The following FER variants were observed in gnomAD, a reference collection of about 807,000 sequenced individuals.
The protein encoded by FER is FER tyrosine kinase.
Under a neutral mutation model 111.0 loss-of-function variants are expected in FER, and 63 were observed. The observed-to-expected ratio is 0.57, with a 90% CI of 0.46 to 0.70. The LOEUF is 0.70. FER is among the 30% of genes least tolerant of loss of function. The probability of loss-of-function intolerance (pLI) is 0.00; values close to 1 mark genes in which losing one functional copy is unlikely to be tolerated. For synonymous variants in FER, 327 were observed against 313.9 expected, an observed-to-expected ratio of 1.04 and a Z score of -0.44; for missense variants, 914 against 954.0, an observed-to-expected ratio of 0.96 and a Z score of 0.55.
intron 17 of FER, among the ~76,000 whole-genome samples, chr5:109,121,209 A>G (rs1207892728): frequency 5.3e-5 from 8 of 152,142 alleles, no homozygotes; most frequent in Non-Finnish European, 4.4e-5. Context: ...TTCCCCATTC[A>G]GTATTATACT....
chr5:108,912,585 C>T (rs1751708573), intron 10 of FER, among the ~76,000 whole-genome samples: 1 of 152,172 alleles, frequency 6.6e-6, no homozygotes, highest in Non-Finnish European at 1.5e-5. Context: ...TGGTTTCGAA[C>T]TCTGACCTCA....
intron 9 of FER, among the ~76,000 whole-genome samples, chr5:108,893,468 A>C (rs1382166500): frequency 2.0e-5 from 3 of 151,784 alleles, no homozygotes; most frequent in Non-Finnish European, 2.9e-5. Context: ...ATCTACGTTA[A>C]CTCTTTTCTG....
intron 3 of FER, among the ~76,000 whole-genome samples, chr5:108,829,819 A>G (rs1759848980): frequency 6.6e-6 from 1 of 152,100 alleles, no homozygotes. Flanking sequence ...TGGAGCTTCC[A>G]TTTCAATTGA....
chr5:108,836,499 AT>A (rs1326371412), intron 5 of FER, among the ~76,000 whole-genome samples: 1 of 151,872 alleles, frequency 6.6e-6, no homozygotes, highest in Non-Finnish European at 1.5e-5. Context: ...ATATTTATAC[AT>A]TTTTTCTTTA....
intron 2 of FER, among the ~76,000 whole-genome samples, chr5:108,789,626 TAAA>T (rs1561421774): frequency 6.6e-6 from 1 of 151,752 alleles, no homozygotes; most frequent in Admixed American, 6.6e-5. Flanking sequence ...TTTTTTTTTT[TAAA>T]AGACAGTGTC....
At chr5:109,039,344 G>A (rs1237286072) in intron 14 of FER, among the ~76,000 whole-genome samples, 1 of 152,068 alleles carries the variant, frequency 6.6e-6, no homozygotes, top group Non-Finnish European at 1.5e-5. Context: ...TGCCTACTAT[G>A]TGCAAGGCAC....
chr5:108,832,434 T>C (rs1211577044), intron 3 of FER, among the ~76,000 whole-genome samples: 2 of 152,132 alleles, frequency 1.3e-5, no homozygotes, highest in African/African-American at 2.4e-5. Flanking sequence ...AGTGGGACAT[T>C]AGAATCATGT....
chr5:108,882,118 CAA>C (rs1249721392), intron 8 of FER, among the ~76,000 whole-genome samples: 3 of 151,872 alleles, frequency 2.0e-5, no homozygotes, highest in Non-Finnish European at 4.4e-5. Flanking sequence ...AATATTGCAA[CAA>C]ATATTTTTGT....
In FER at chr5:109,189,626, AG is replaced by A. The variant is rs1026906099; in HGVS notation, c.*2052del. The A allele has an allele frequency of 6.6e-6, 1 of 152,206 alleles. No homozygotes were observed. Among genetic ancestry groups the A allele is most frequent in the Non-Finnish European group, 1.5e-5 (1 of 68,040 alleles). The allele number at this position is 152,206 out of a possible 1,614,324, so 9.4% of individuals were successfully genotyped here. On this transcript the variant is annotated 3_prime_UTR_variant, in exon 20 of 20. Transcript: ENST00000281092. ...ATTGAGGCACTTACCAACCTTCAAA[AG>A]TAAGAGTAAAATGGGATATTCCTAC... is the stretch of plus-strand genomic sequence containing the variant.
chr5:108,824,995 G>A (rs1394176517), intron 3 of FER, among the ~76,000 whole-genome samples: 2 of 152,116 alleles, frequency 1.3e-5, no homozygotes, highest in Non-Finnish European at 2.9e-5. Flanking sequence ...TTTCAAAAGG[G>A]GAGGGAGTGT....
At chr5:108,927,351 C>G (rs1222120544) in intron 10 of FER, among the ~76,000 whole-genome samples, 1 of 148,492 alleles carries the variant, frequency 6.7e-6, no homozygotes, top group Non-Finnish European at 1.5e-5. Context: ...AGCTCCGCTT[C>G]CCGGGTTCAC....
rs543128650 is a variant in FER at position 109,068,253 on chromosome 5, C to T, written c.1924+21055C>T. Reference sequence around the variant, plus strand: ...GGCTGGAGTGTAGCGGCACAGAGTCCGCTCACTGCACCCTCTGCCTTCCGG... The same window carrying T: ...GGCTGGAGTGTAGCGGCACAGAGTCTGCTCACTGCACCCTCTGCCTTCCGG... On this transcript the variant is annotated intron_variant, in intron 16 of 19. Coordinates refer to ENST00000281092, the MANE Select transcript of FER (RefSeq NM_005246.4). Among the ~76,000 whole-genome samples, 11 of 131,798 alleles carry T rather than the reference C, an allele frequency of 8.3e-5. No individual in the cohort carries two copies. In the South Asian group the frequency reaches 1.4e-3, roughly 17 times the overall value. 86.5% of individuals were successfully genotyped at this position (131,798 alleles called of 152,430 possible).
At chr5:109,183,878 C>T (rs1447826983) in intron 18 of FER, among the ~76,000 whole-genome samples, 1 of 152,178 alleles carries the variant, frequency 6.6e-6, no homozygotes, top group African/African-American at 2.4e-5. Context: ...AAAGGGCCTT[C>T]CCAGCCCTAT....
chr5:108,982,590 A>G (rs1762124695), intron 13 of FER, among the ~76,000 whole-genome samples: 1 of 152,096 alleles, frequency 6.6e-6, no homozygotes, highest in Non-Finnish European at 1.5e-5. Context: ...CTGCATTAAC[A>G]CTATTTTTTC....
intron 8 of FER, among the ~76,000 whole-genome samples, chr5:108,875,895 G>T (rs1017115465): frequency 2.6e-5 from 4 of 152,190 alleles, no homozygotes; most frequent in South Asian, 2.1e-4. Context: ...AGGTGTTATT[G>T]CCTATCAGTA....
intron 17 of FER, among the ~76,000 whole-genome samples, chr5:109,143,917 T>C (rs1314295366): frequency 1.3e-5 from 2 of 151,522 alleles, no homozygotes; most frequent in African/African-American, 4.8e-5. Flanking sequence ...TTCTAGTGTT[T>C]TTCAGTTTCA....
At chr5:109,017,790 A>T (rs2149820912) in intron 13 of FER, among the ~76,000 whole-genome samples, 1 of 152,054 alleles carries the variant, frequency 6.6e-6, no homozygotes, top group East Asian at 1.9e-4. Flanking sequence ...AAATGTGAAT[A>T]CTTAAATGAC....
At chr5:108,864,999 G>A (rs946872766) in intron 5 of FER, among the ~76,000 whole-genome samples, 1 of 152,088 alleles carries the variant, frequency 6.6e-6, no homozygotes, top group Non-Finnish European at 1.5e-5. Flanking sequence ...AGCATGGAAT[G>A]TTCTTCCATT....
At chr5:109,111,459 T>A (rs1031958421) in intron 17 of FER, among the ~76,000 whole-genome samples, 2 of 152,294 alleles carry the variant, frequency 1.3e-5, no homozygotes, top group East Asian at 3.9e-4. Context: ...TATAGATTGG[T>A]GCAAAAGTAA....
Sources: gnomAD v4.1 joint callset for allele counts (sites outside exome capture counted in the v4.1 genomes callset) on GRCh38, gnomAD v4.1.1 for gene constraint, MANE v1.5 for transcripts, NCBI Gene and HGNC (gene_info 2026-07-23, HGNC 2026-07-21) for gene names.